Variants in NCLN observed in about 807,000 individuals in gnomAD.
NCLN encodes nicalin, also known as BOS complex subunit NCLN.
NCLN carries 34 observed loss-of-function variants against 69.5 expected under a neutral mutation model. The observed-to-expected ratio is 0.49, with a 90% confidence interval of 0.37 to 0.65. The LOEUF (loss-of-function observed/expected upper bound fraction) is 0.65. NCLN is among the 30% of genes least tolerant of loss of function. NCLN has a pLI of 0.00. For missense variants in NCLN, 710 were observed against 804.8 expected, an observed-to-expected ratio of 0.88 and a Z score of 1.42; for synonymous variants, 393 against 358.3, an observed-to-expected ratio of 1.10 and a Z score of -1.09.
intron 1 of NCLN, among the ~76,000 whole-genome samples, chr19:3,187,103 TC>T (rs1389210462): frequency 6.6e-6 from 1 of 152,032 alleles, no homozygotes; most frequent in Non-Finnish European, 1.5e-5. Context: ...CACACCCACT[TC>T]CCAGAACCCC....
At chr19:3,194,712 C>T (rs955389553) in intron 3 of NCLN, among the ~76,000 whole-genome samples, 1 of 150,206 alleles carries the variant, frequency 6.7e-6, no homozygotes, top group Non-Finnish European at 1.5e-5. Flanking sequence ...CCTAAGTATC[C>T]TGTTAGAGAA....
chr19:3,207,543 A>T lies in NCLN; in HGVS notation c.1632+74A>T, dbSNP rs576837167. On this transcript the variant is annotated intron_variant, in intron 14 of 14. Coordinates refer to ENST00000246117, the MANE Select transcript of NCLN (RefSeq NM_020170.4). Reference sequence around the variant, plus strand: ...AGCTGGGCTGGGCGTCTCCAAGTGCATCCTGGCCCCTGGCTCAGCCTAGAG... The same window carrying T: ...AGCTGGGCTGGGCGTCTCCAAGTGCTTCCTGGCCCCTGGCTCAGCCTAGAG... 1.0e-4 allele frequency: 164 copies of T among 1,607,354 alleles called. 1 individual carries two copies. In the African/African-American group the frequency reaches 2.0e-3, roughly 19 times the overall value.
intron 1 of NCLN, among the ~76,000 whole-genome samples, chr19:3,186,433 GC>G (rs1449930574): frequency 1.3e-5 from 2 of 151,980 alleles, no homozygotes; most frequent in African/African-American, 4.8e-5. Context: ...CGCTCCCACA[GC>G]CCCCGGCCCC....
intron 4 of NCLN, among the ~76,000 whole-genome samples, chr19:3,196,976 TG>T (rs569564548): frequency 1.8e-4 from 27 of 152,308 alleles, no homozygotes; most frequent in African/African-American, 6.3e-4. Flanking sequence ...CAGGCCTTGT[TG>T]GGGGGTGCCC....
Position 3,192,641 on chromosome 19 carries a change from T to C in NCLN, c.356T>C (p.Val119Ala). 1 of 1,568,266 alleles carries C rather than the reference T, an allele frequency of 6.4e-7. No homozygotes were observed. Among genetic ancestry groups the C allele is most frequent in the Admixed American group, 1.9e-5 (1 of 53,664 alleles). ...ATCCTGCCCAGGGCCATGGCCGCCG[T>C]GCCCCAGGACGTCGTCCGGGTGAGC... is the stretch of plus-strand genomic sequence containing the variant. ...VIILPRAMAA[V>A]PQDVVRQFME... The change falls in exon 2 of 15, where the codon GTG becomes GCG. Residue 119 changes from valine (V) to alanine (A), a missense_variant. Coordinates refer to ENST00000246117, the MANE Select transcript of NCLN (RefSeq NM_020170.4).
Position 3,196,295 on chromosome 19 carries a change from C to T in NCLN, c.615+18C>T, listed in dbSNP as rs528069942. 118 of 1,521,990 alleles carry T rather than the reference C, an allele frequency of 7.8e-5. No individual in the cohort carries two copies. Among genetic ancestry groups the T allele is most frequent in the South Asian group, 6.8e-4 (56 of 82,838 alleles). 94.3% of individuals were successfully genotyped at this position (1,521,990 alleles called of 1,614,324 possible). A position where few individuals can be genotyped will look rare whatever the true frequency, so the allele number is the denominator to read the frequency against. The stretch of plus-strand genomic sequence containing the variant: ...GCGTGGAGGTGAGTGCCGCCTGCCC[C>T]GGAGCCAGCCCCACGTCCCCAGGGG... On this transcript the variant is annotated intron_variant, in intron 4 of 14. Coordinates refer to ENST00000246117, the MANE Select transcript of NCLN (RefSeq NM_020170.4).
rs754371820 is a variant in NCLN at position 3,193,408 on chromosome 19, G to C, written c.500G>C (p.Gly167Ala). The change falls in exon 3 of 15, where the codon GGC becomes GCC. Residue 167 changes from glycine to alanine, a missense_variant. Physicochemically the swap from Gly to Ala is moderately conservative, Grantham distance 60 (BLOSUM62 0). Transcript: ENST00000246117. ...KQTQAASASQ[G>A]SASAAEVLLR... The stretch of plus-strand genomic sequence containing the variant: ...ACCCAGGCTGCCTCCGCCTCCCAGG[G>C]CTCCGCCTCTGCTGCTGAAGGTGTG... The C allele has an allele frequency of 6.2e-7, 1 of 1,607,378 alleles. No homozygotes were observed. Among genetic ancestry groups the C allele is most frequent in the African/African-American group, 1.3e-5 (1 of 74,926 alleles).
In NCLN at chr19:3,205,810, TA is replaced by T; in HGVS notation, c.1209-127del. 1 of 876,116 alleles carries T rather than the reference TA, an allele frequency of 1.1e-6. No individual in the cohort carries two copies. The highest frequency in any genetic ancestry group is 1.8e-6 in the Non-Finnish European group (1 of 559,468). 54.3% of individuals were successfully genotyped at this position (876,116 alleles called of 1,614,324 possible). On this transcript the variant is annotated intron_variant, in intron 9 of 14. Coordinates refer to ENST00000246117, the MANE Select transcript of NCLN (RefSeq NM_020170.4). This position sits in a 1 kb window ranked among gnomAD's most constrained non-coding sequence, Gnocchi z 4.6. Reference sequence around the variant, plus strand: ...TTAGCCAAGTAGTTAAAGCTAAGCTTAATTTTTTTTTTTTTTTAAAGACAGA... The same window carrying T: ...TTAGCCAAGTAGTTAAAGCTAAGCTTATTTTTTTTTTTTTTTAAAGACAGA...
chr19:3,198,814 C>G lies in NCLN; in HGVS notation c.616-3C>G. ...AGGCCATTCCCCTGCTCTCTATCCA[C>G]AGGGGCGGCTGACGGGGCTGGGCGG... On this transcript the variant is annotated splice_region_variant and splice_polypyrimidine_tract_variant and intron_variant, in intron 4 of 14. Transcript: ENST00000246117. 6.3e-7 allele frequency: 1 copy of G among 1,582,282 alleles called. No individual in the cohort carries two copies. The highest frequency in any genetic ancestry group is 8.6e-7 in the Non-Finnish European group (1 of 1,165,376).
rs1356625596 is a variant in NCLN, at chr19:3,203,673, C to T, written c.801-83C>T. On this transcript the variant is annotated intron_variant, in intron 6 of 14. Transcript: ENST00000246117. Reference sequence around the variant, plus strand: ...CTTTGGGGAGACCTTCATACCCTTCCTGGGGGACCTGTGACCTGGCCTGGT... The same window carrying T: ...CTTTGGGGAGACCTTCATACCCTTCTTGGGGGACCTGTGACCTGGCCTGGT... The T allele has an allele frequency of 1.2e-5, 15 of 1,274,036 alleles. No homozygotes were observed. In the Admixed American group the frequency reaches 2.7e-4, roughly 23 times the overall value. 78.9% of individuals were successfully genotyped at this position (1,274,036 alleles called of 1,614,324 possible). A position where few individuals can be genotyped will look rare whatever the true frequency, so the allele number is the denominator to read the frequency against.
rs746550176 is a variant in NCLN, at chr19:3,206,011, C to T, written c.1281C>T (p.Tyr427=). ...IIAEALTRVI[Y]NLTEKGTPPD... is the part of the protein sequence containing the mutation. ...CAGAGGCCCTGACTCGAGTCATCTACAACCTGACAGAGAAGGTGAGCCCTG... is the reference window on the plus strand; with the variant it reads ...CAGAGGCCCTGACTCGAGTCATCTATAACCTGACAGAGAAGGTGAGCCCTG... Residue 427 remains tyrosine (Y), a synonymous_variant, in exon 10 of 15, where the codon TAC becomes TAT. Transcript: ENST00000246117. The T allele has an allele frequency of 1.5e-5, 25 of 1,613,338 alleles. No individual in the cohort carries two copies. Among genetic ancestry groups the T allele is most frequent in the Non-Finnish European group, 2.1e-5 (25 of 1,179,984 alleles).
At chr19:3,198,363 C>T (rs1367759481) in intron 4 of NCLN, among the ~76,000 whole-genome samples, 4 of 151,916 alleles carry the variant, frequency 2.6e-5, no homozygotes, top group Non-Finnish European at 4.4e-5. Context: ...AAAAATTAGC[C>T]GGATGTGGTG....
At position 3,187,970 on chromosome 19, in the gene NCLN, C is replaced by T. The variant is rs1262143721; in HGVS notation, c.184+1756C>T. ...GGAGCCAGCAGCCACAGGAGGCTGC[C>T]GAGCCCCCAAAGCGTGGCCTGTGCA... On this transcript the variant is annotated intron_variant, in intron 1 of 14. Transcript: ENST00000246117. Among the ~76,000 whole-genome samples the T allele has an allele frequency of 2.6e-5, 4 of 152,206 alleles. No homozygotes were observed. In the East Asian group the frequency reaches 7.7e-4, roughly 29 times the overall value.
intron 6 of NCLN, among the ~76,000 whole-genome samples, chr19:3,203,078 G>A (rs1916168386): frequency 6.6e-6 from 1 of 152,180 alleles, no homozygotes; most frequent in Non-Finnish European, 1.5e-5. Flanking sequence ...CACTTTGGAA[G>A]CCTGCGGCAG....
At chr19:3,197,886 G>T (rs550579465) in intron 4 of NCLN, among the ~76,000 whole-genome samples, 22 of 152,292 alleles carry the variant, frequency 1.4e-4, no homozygotes, top group African/African-American at 5.3e-4. Context: ...CTCCCAAAGT[G>T]CTGGGATTAC....
chr19:3,204,672 A>C lies in NCLN; in HGVS notation c.1129A>C (p.Ile377Leu). 6.2e-7 allele frequency: 1 copy of C among 1,609,144 alleles called. No individual in the cohort carries two copies. Among genetic ancestry groups the C allele is most frequent in the African/African-American group, 1.3e-5 (1 of 74,896 alleles). The change falls in exon 9 of 15, where the codon ATC becomes CTC. Residue 377 changes from isoleucine to leucine, a missense_variant. Ile to Leu is a conservative substitution (Grantham distance 5). Transcript: ENST00000246117. ...GGCCTGGGAGCACGAGCGCTTCGCCATCCGCCGACTGCCCGCCTTCACGCT... is the reference window on the plus strand; with the variant it reads ...GGCCTGGGAGCACGAGCGCTTCGCCCTCCGCCGACTGCCCGCCTTCACGCT... ...VLAWEHERFA[I>L]RRLPAFTLSH...
chr19:3,206,230 C>T, intron 11 of NCLN, 32 bp from the exon 12 acceptor site: 2 of 1,524,014 alleles, frequency 1.3e-6, no homozygotes, highest in Non-Finnish European at 1.8e-6. Context: ...GTGGGCGGGG[C>T]CAGGCCATGA....
At chr19:3,201,977 T>C (rs1013221476) in intron 6 of NCLN, among the ~76,000 whole-genome samples, 1 of 152,132 alleles carries the variant, frequency 6.6e-6, no homozygotes, top group Non-Finnish European at 1.5e-5. Context: ...TCCTGGGCAC[T>C]GCAGGGCGCT....
intron 1 of NCLN, among the ~76,000 whole-genome samples, chr19:3,190,017 G>A (rs1035753529): frequency 4.6e-5 from 7 of 152,308 alleles, no homozygotes; most frequent in Middle Eastern, 3.4e-3. Flanking sequence ...TCCCTATCCC[G>A]CCTGCGGGAG....
Sources: gnomAD v4.1 joint callset for allele counts (sites outside exome capture counted in the v4.1 genomes callset) on GRCh38, gnomAD v4.1.1 for gene constraint, Gnocchi (gnomAD v3.1) non-coding constraint, MANE v1.5 for transcripts, NCBI Gene and HGNC (gene_info 2026-07-23, HGNC 2026-07-21) for gene names.